RPL18: variants seen among roughly 807,000 people sequenced by gnomAD.
RPL18 encodes the protein ribosomal protein L18, also known as large ribosomal subunit protein eL18.
In RPL18, 4 loss-of-function variants were observed where a neutral mutation model predicts 25.0. The observed-to-expected ratio is 0.16, with a 90% confidence interval of 0.08 to 0.37. RPL18 has a LOEUF of 0.37. Among genes scored for constraint, RPL18 ranks in the 10% least tolerant of loss-of-function variants. The pLI, the probability that RPL18 is intolerant of heterozygous loss-of-function variation, is 1.00. For missense variants in RPL18, 179 were observed against 267.9 expected (o/e 0.67, Z 2.32); for synonymous variants, 129 against 101.6 (o/e 1.27, Z -1.62).
At chr19:48,618,014 G>C in intron 1 of RPL18, 137 bp from the exon 2 acceptor site, 1 of 646,566 alleles carries the variant, frequency 1.5e-6, no homozygotes. Flanking sequence ...ACCACCAGGA[G>C]ACCTGTGGGC....
chr19:48,618,264 A>C (rs1400893559), intron 1 of RPL18: 1 of 185,442 alleles, frequency 5.4e-6, no homozygotes, highest in Non-Finnish European at 1.2e-5. Context: ...ACCTAGCAAT[A>C]CTACTAGAAC....
intron 4 of RPL18, 184 bp from the exon 5 acceptor site, chr19:48,616,386 C>G: frequency 1.4e-6 from 1 of 702,234 alleles, no homozygotes; most frequent in Non-Finnish European, 2.4e-6. Flanking sequence ...CCACCACATC[C>G]CTGGTGTTAT....
Position 48,615,442 on chromosome 19 carries a change from T to C in RPL18, c.497A>G (p.Tyr166Cys). ...PGTPHSHTKP[Y>C]VRSKGRKFER... ...GAACTTCCGGCCCTTGGAGCGGACG[T>C]AGGGTCTGTGGGGAGAGGAGGGAGT... is the stretch of plus-strand genomic sequence containing the variant. Residue 166 changes from tyrosine (Y) to cysteine (C), a missense_variant, in exon 7 of 7, where the codon TAC becomes TGC. Physicochemically the swap from Tyr to Cys is radical, Grantham distance 194 (BLOSUM62 -2). Transcript: ENST00000549920. 6.2e-7 allele frequency: 1 copy of C among 1,612,668 alleles called. No homozygotes were observed. Among genetic ancestry groups the C allele is most frequent in the Non-Finnish European group, 8.5e-7 (1 of 1,179,324 alleles).
intron 4 of RPL18, 112 bp from the exon 5 acceptor site, chr19:48,616,314 C>T (rs893114147): frequency 5.8e-6 from 8 of 1,372,556 alleles, no homozygotes; most frequent in African/African-American, 5.7e-5. Flanking sequence ...CCAACACTAT[C>T]GTTTACTACC....
Position 48,616,630 on chromosome 19 carries a change from G to T in RPL18, c.297+96C>A, listed in dbSNP as rs778339881. On this transcript the variant is annotated intron_variant, in intron 4 of 6. Transcript: ENST00000549920. ...ATGCTTGCCTCACCAGCGGTGGCAA[G>T]ACTGAGGATGGACCAGCACAGCACA... 3.7e-6 allele frequency: 3 copies of T among 809,314 alleles called. No homozygotes were observed. The African/African-American group carries it at 5.5e-5, about 15-fold the overall frequency. The allele number at this position is 809,314 out of a possible 1,614,324, so 50.1% of individuals were successfully genotyped here. A position where few individuals can be genotyped will look rare whatever the true frequency, so the allele number is the denominator to read the frequency against.
intron 4 of RPL18, chr19:48,616,421 G>A (rs1974173171): frequency 1.5e-6 from 1 of 656,248 alleles, no homozygotes; most frequent in African/African-American, 1.8e-5. Context: ...CAAGGAAGCT[G>A]GGCCAAAAAA....
Position 48,616,794 on chromosome 19 carries a change from T to A in RPL18, c.229A>T (p.Asn77Tyr). ...GTCCCCACAACCACGGCCGTCTTGT[T>A]TTCCCGGCCAGGAAGCTTCATCTTC... ...IRKMKLPGRE[N>Y]KTAVVVGTIT... The change falls in exon 4 of 7, where the codon AAC (asparagine) becomes TAC (tyrosine). Residue 77 changes from asparagine (N) to tyrosine (Y), a missense_variant. Asn to Tyr is a moderately radical substitution (Grantham distance 143, BLOSUM62 -2). Transcript: ENST00000549920. The A allele has an allele frequency of 6.2e-7, 1 of 1,613,896 alleles. No homozygotes were observed. The highest frequency in any genetic ancestry group is 8.5e-7 in the Non-Finnish European group (1 of 1,179,954).
chr19:48,618,875 G>C (rs986974090), intron 1 of RPL18: 2 of 539,756 alleles, frequency 3.7e-6, no homozygotes, highest in Admixed American at 3.6e-5. Context: ...ACCTGGGTCG[G>C]AATCCTGGCT....
intron 1 of RPL18, 195 bp downstream of exon 1, chr19:48,618,946 A>G: frequency 1.7e-6 from 1 of 602,228 alleles, no homozygotes; most frequent in Non-Finnish European, 3.0e-6. Context: ...CCACTTGGTC[A>G]TCTACTAAGT....
chr19:48,618,132 A>G (rs1974241554), intron 1 of RPL18: 6 of 347,946 alleles, frequency 1.7e-5, no homozygotes, highest in Non-Finnish European at 2.7e-5. Flanking sequence ...TAATACAAAA[A>G]GGTCAATTCT....
At chr19:48,617,761 C>A (rs771970750) in intron 2 of RPL18, 30 bp downstream of exon 2, 4 of 1,577,218 alleles carry the variant, frequency 2.5e-6, no homozygotes, top group South Asian at 2.2e-5. Flanking sequence ...TGGGGTGACC[C>A]TTCCCAAAGA....
rs1300093037 is a variant in RPL18 at position 48,616,139 on chromosome 19, G to C, written c.361C>G (p.Leu121Val). The C allele has an allele frequency of 6.2e-7, 1 of 1,614,044 alleles. No homozygotes were observed. Among genetic ancestry groups the C allele is most frequent in the African/African-American group, 1.3e-5 (1 of 74,922 alleles). Reference sequence around the variant, plus strand: ...TCCAGGGCCAGCTGGTCGAAAGTGAGGATCTTGCCCCCTGCCCTGAGGATG... The same window carrying C: ...TCCAGGGCCAGCTGGTCGAAAGTGACGATCTTGCCCCCTGCCCTGAGGATG... Reference protein sequence around the residue: ...SRILRAGGKILTFDQLALDSP... With the variant: ...SRILRAGGKIVTFDQLALDSP... The change falls in exon 5 of 7, where the codon CTC becomes GTC. Residue 121 changes from leucine to valine, a missense_variant. Coordinates refer to ENST00000549920, the MANE Select transcript of RPL18 (RefSeq NM_000979.4).
At chr19:48,615,988 C>A (rs369589141) in intron 5 of RPL18, 42 bp from the exon 6 acceptor site, 7 of 1,612,882 alleles carry the variant, frequency 4.3e-6, no homozygotes, top group East Asian at 2.2e-5. Context: ...AGGGATCTGG[C>A]GCCCAGCTTC....
chr19:48,615,789 G>A (rs1049324954), intron 6 of RPL18, 88 bp downstream of exon 6: 7 of 1,195,874 alleles, frequency 5.9e-6, no homozygotes, highest in Admixed American at 4.0e-5. Context: ...GCTGGTACGA[G>A]GGATAGGAGA....
intron 1 of RPL18, chr19:48,618,886 C>T (rs1418981728): frequency 1.8e-6 from 1 of 547,488 alleles, no homozygotes; most frequent in Admixed American, 3.6e-5. Flanking sequence ...AATCCTGGCT[C>T]TGCCACTTCC....
chr19:48,616,049 G>C lies in RPL18; in HGVS notation c.421+30C>G, dbSNP rs754848715. The C allele has an allele frequency of 6.2e-6, 10 of 1,613,988 alleles. No individual in the cohort carries two copies. The South Asian group carries it at 1.1e-4, about 18-fold the overall frequency. On this transcript the variant is annotated intron_variant, in intron 5 of 6. Transcript: ENST00000549920. The stretch of plus-strand genomic sequence containing the variant: ...AGGCTGCCAGTAGCCACACAGCTCA[G>C]TCCAAACCCGTCGACCACGTATCAC...
At chr19:48,616,298 T>A (rs1974169710) in intron 4 of RPL18, 96 bp from the exon 5 acceptor site, 58 of 1,512,340 alleles carry the variant, frequency 3.8e-5, no homozygotes, top group Non-Finnish European at 5.2e-5. Context: ...AGCAGAGCCC[T>A]GGTAACCAAC....
In RPL18 at chr19:48,618,991, T is replaced by C. The variant is rs3094287; in HGVS notation, c.3+150A>G. The C allele has an allele frequency of 0.36, 284,950 of 797,454 alleles. 60,160 individuals carry two copies. The highest frequency in any genetic ancestry group is 0.76 in the East Asian group (28,292 of 37,318). 49.4% of individuals were successfully genotyped at this position (797,454 alleles called of 1,614,324 possible). On this transcript the variant is annotated intron_variant, in intron 1 of 6. Transcript: ENST00000549920. Reference sequence around the variant, plus strand: ...AGGCTATGACTGACCCATCCCTGCTTTCCTGGCCCCCAGAGTAGGTCCCCA... The same window carrying C: ...AGGCTATGACTGACCCATCCCTGCTCTCCTGGCCCCCAGAGTAGGTCCCCA...
chr19:48,617,187 G>C (rs564042583), intron 3 of RPL18, 129 bp downstream of exon 3: 2 of 811,778 alleles, frequency 2.5e-6, no homozygotes, highest in Non-Finnish European at 4.4e-6. Flanking sequence ...CAAGCTCTAC[G>C]CTCGCGACTG....
Sources: allele counts gnomAD v4.1 joint callset, GRCh38; gene constraint gnomAD v4.1.1; transcripts MANE v1.5; gene names NCBI Gene and HGNC (gene_info 2026-07-23, HGNC 2026-07-21).